The following GFRA2 variants were observed in gnomAD, a reference collection of about 807,000 sequenced individuals.
GFRA2 encodes the protein GDNF family receptor alpha-2.
In GFRA2, 17 loss-of-function variants were observed where a neutral mutation model predicts 48.3. That is an observed-to-expected ratio of 0.35 (90% CI 0.24 to 0.53). The LOEUF (loss-of-function observed/expected upper bound fraction) is 0.53. Ranked by LOEUF, GFRA2 falls within the 20% of genes least tolerant of loss-of-function variation. GFRA2 has a pLI of 0.93. For synonymous variants in GFRA2, 305 were observed against 257.2 expected, an observed-to-expected ratio of 1.19 and a Z score of -1.78; for missense variants, 660 against 637.3, an observed-to-expected ratio of 1.04 and a Z score of -0.38.
chr8:21,797,923 G>A (rs2117109839), intron 2 of GFRA2, among the ~76,000 whole-genome samples: 1 of 152,268 alleles, frequency 6.6e-6, no homozygotes, highest in African/African-American at 2.4e-5. Flanking sequence ...TGTGGATGCT[G>A]TTTGCTTTCA....
intron 4 of GFRA2, among the ~76,000 whole-genome samples, chr8:21,724,180 G>A (rs973345755): frequency 3.3e-5 from 5 of 152,082 alleles, no homozygotes; most frequent in African/African-American, 7.2e-5. Context: ...GATAGGTAAC[G>A]TGTCTCAGCA....
intron 2 of GFRA2, among the ~76,000 whole-genome samples, chr8:21,775,463 T>A (rs1336449285): frequency 2.0e-5 from 3 of 152,264 alleles, no homozygotes; most frequent in Non-Finnish European, 2.9e-5. Context: ...TCATGCCTCA[T>A]TTCACAAGAG....
intron 4 of GFRA2, among the ~76,000 whole-genome samples, chr8:21,742,266 G>A (rs1426180673): frequency 6.6e-6 from 1 of 152,276 alleles, no homozygotes; most frequent in Admixed American, 6.5e-5. Flanking sequence ...AGGTCATGGC[G>A]GTGGGGCCCT....
intron 4 of GFRA2, among the ~76,000 whole-genome samples, chr8:21,712,319 C>T (rs1475041718): frequency 1.3e-5 from 2 of 149,568 alleles, no homozygotes; most frequent in Admixed American, 6.6e-5. Flanking sequence ...TGCTCCTCAC[C>T]TCCCAGACGG....
At chr8:21,748,597 G>A (rs1391089643) in intron 4 of GFRA2, among the ~76,000 whole-genome samples, 1 of 152,156 alleles carries the variant, frequency 6.6e-6, no homozygotes, top group African/African-American at 2.4e-5. Context: ...CAGTTTAGCT[G>A]GAATCCGACT....
chr8:21,797,261 T>G (rs1195910779), intron 2 of GFRA2, among the ~76,000 whole-genome samples: 2 of 147,928 alleles, frequency 1.4e-5, no homozygotes, highest in East Asian at 4.9e-4. Flanking sequence ...TGAGTGGCCT[T>G]TCTTTCTTTT....
chr8:21,811,088 G>C (rs1807971870), intron 1 of GFRA2, among the ~76,000 whole-genome samples: 1 of 152,118 alleles, frequency 6.6e-6, no homozygotes, highest in South Asian at 2.1e-4. Flanking sequence ...CTGGGCCCCA[G>C]GAGAGAAGGG....
intron 4 of GFRA2, among the ~76,000 whole-genome samples, chr8:21,744,231 T>C (rs1804883157): frequency 6.6e-6 from 1 of 152,130 alleles, no homozygotes; most frequent in Non-Finnish European, 1.5e-5. Context: ...TCCCACCCCC[T>C]GAGGACAGCC....
chr8:21,759,331 A>G (rs1319627534), intron 3 of GFRA2, among the ~76,000 whole-genome samples: 2 of 151,178 alleles, frequency 1.3e-5, no homozygotes, highest in African/African-American at 4.9e-5. Flanking sequence ...GGTTGCAGAG[A>G]GGCAAGAACG....
At chr8:21,775,619 TGAG>T (rs1806653134) in intron 2 of GFRA2, among the ~76,000 whole-genome samples, 1 of 152,190 alleles carries the variant, frequency 6.6e-6, no homozygotes, top group Admixed American at 6.5e-5. Context: ...CCCAGGTCAC[TGAG>T]GAGGACAGAA....
chr8:21,754,204 A>C (rs1035566013), intron 3 of GFRA2, among the ~76,000 whole-genome samples: 1 of 152,226 alleles, frequency 6.6e-6, no homozygotes, highest in Non-Finnish European at 1.5e-5. Flanking sequence ...TACAAGCTCC[A>C]GGAAGACAGG....
At chr8:21,710,530 T>G (rs1396322684) in intron 4 of GFRA2, among the ~76,000 whole-genome samples, 4 of 152,176 alleles carry the variant, frequency 2.6e-5, no homozygotes, top group Non-Finnish European at 5.9e-5. Flanking sequence ...CAGGGCCTCC[T>G]GACCCCACCG....
At chr8:21,761,331 G>A (rs1459037311) in intron 3 of GFRA2, among the ~76,000 whole-genome samples, 2 of 152,224 alleles carry the variant, frequency 1.3e-5, no homozygotes, top group African/African-American at 4.8e-5. Context: ...GCCATCCTGG[G>A]GCTCACATTC....
chr8:21,694,091 A>ATATATATATATATATATATATATATATAT (rs1802035893), intron 8 of GFRA2, among the ~76,000 whole-genome samples: 1 of 139,752 alleles, frequency 7.2e-6, no homozygotes, highest in Non-Finnish European at 1.6e-5. Context: ...ATATATATAT[A>ATATATATATATATATATATATATATATAT]TTTCCTATAG....
intron 7 of GFRA2, among the ~76,000 whole-genome samples, chr8:21,702,213 T>C (rs544876102): frequency 2.0e-4 from 30 of 152,100 alleles, no homozygotes; most frequent in African/African-American, 7.2e-4. Context: ...GGAGGGGAGC[T>C]AAGTGGAGGG....
intron 3 of GFRA2, among the ~76,000 whole-genome samples, chr8:21,758,474 A>C (rs1272348622): frequency 8.5e-5 from 13 of 152,136 alleles, no homozygotes; most frequent in Non-Finnish European, 4.4e-5. Context: ...GCCTCCCAGG[A>C]AACTGCCCCT....
chr8:21,783,775 C>T (rs1807131979), intron 1 of GFRA2, among the ~76,000 whole-genome samples: 2 of 151,942 alleles, frequency 1.3e-5, no homozygotes, highest in African/African-American at 4.8e-5. Context: ...CCCCCGCGCC[C>T]CCTGCTCTCT....
intron 4 of GFRA2, among the ~76,000 whole-genome samples, chr8:21,713,861 G>C (rs1803194984): frequency 6.6e-6 from 1 of 152,146 alleles, no homozygotes; most frequent in African/African-American, 2.4e-5. Flanking sequence ...AGCTGGGCTT[G>C]TGGGTACCTT....
intron 4 of GFRA2, among the ~76,000 whole-genome samples, chr8:21,724,006 G>A (rs1313806979): frequency 6.6e-6 from 1 of 152,158 alleles, no homozygotes; most frequent in Non-Finnish European, 1.5e-5. Context: ...AGAGTGTATG[G>A]AAAGCCAGAA....
Sources: allele counts gnomAD v4.1 joint callset (sites outside exome capture counted in the v4.1 genomes callset), GRCh38; gene constraint gnomAD v4.1.1; transcripts MANE v1.5; gene names NCBI Gene and HGNC (gene_info 2026-07-23, HGNC 2026-07-21).